Variants in NCALD observed in about 807,000 individuals in gnomAD.
NCALD encodes the protein neurocalcin delta, also known as neurocalcin-delta.
NCALD carries 10 observed loss-of-function variants against 18.6 expected under a neutral mutation model. The observed-to-expected ratio is 0.54, with a 90% CI of 0.33 to 0.91. The LOEUF (loss-of-function observed/expected upper bound fraction) is 0.91. Among genes scored for constraint, NCALD ranks in the 40% least tolerant of loss-of-function variants. The pLI is 0.03. For missense variants in NCALD, 184 were observed against 247.6 expected, an observed-to-expected ratio of 0.74 and a Z score of 1.72; for synonymous variants, 88 against 87.4, an observed-to-expected ratio of 1.01 and a Z score of -0.04.
At chr8:101,826,766 G>A (rs768888342) in intron 4 of NCALD, among the ~76,000 whole-genome samples, 3 of 152,082 alleles carry the variant, frequency 2.0e-5, no homozygotes, top group Non-Finnish European at 4.4e-5. Context: ...GAGGATCCTG[G>A]CTTAACAATT....
At chr8:101,711,120 A>G (rs1260387762) in intron 2 of NCALD, among the ~76,000 whole-genome samples, 4 of 152,194 alleles carry the variant, frequency 2.6e-5, no homozygotes, top group Non-Finnish European at 4.4e-5. Context: ...ATACCCAGGC[A>G]AACAGGATCT....
intron 1 of NCALD, among the ~76,000 whole-genome samples, chr8:102,038,788 T>A (rs530277686): frequency 6.6e-6 from 1 of 151,840 alleles, no homozygotes; most frequent in East Asian, 1.9e-4. Context: ...TCCCCTTGAG[T>A]GTGGGTGGAA....
At chr8:101,966,153 T>C (rs1030325822) in intron 2 of NCALD, among the ~76,000 whole-genome samples, 2 of 149,254 alleles carry the variant, frequency 1.3e-5, no homozygotes, top group African/African-American at 2.5e-5. Context: ...ATCAGTAAAA[T>C]AAAATAGTTT....
intron 2 of NCALD, among the ~76,000 whole-genome samples, chr8:101,927,213 T>C (rs1818367015): frequency 6.6e-6 from 1 of 152,190 alleles, no homozygotes. Context: ...TCATTCATTA[T>C]CAGTCATTCA....
At chr8:101,792,174 T>TG (rs201931795), upstream of NCALD, among the ~76,000 whole-genome samples, 1,042 of 152,256 alleles carry the variant, frequency 6.8e-3, 28 homozygotes, top group Admixed American at 0.05. Context: ...TTCTGTTTCT[T>TG]AAAATAAATA....
At chr8:101,865,329 G>C (rs1815724895) in intron 4 of NCALD, among the ~76,000 whole-genome samples, 1 of 152,166 alleles carries the variant, frequency 6.6e-6, no homozygotes, top group Admixed American at 6.5e-5. Context: ...TATTTTCCCT[G>C]AGTTTGTGTT....
rs185382268 is a variant in NCALD, at chr8:102,092,007, T to C, written c.-210+32230A>G. Among the ~76,000 whole-genome samples the C allele has an allele frequency of 1.4e-4, 22 of 152,326 alleles. 1 individual carries two copies. The highest frequency in any genetic ancestry group is 3.8e-4 in the African/African-American group (16 of 41,560). On this transcript the variant is annotated intron_variant, in intron 1 of 6. Transcript: ENST00000311028. Reference sequence around the variant, plus strand: ...GAATAGGGTCTGGGTAAAATGAGGCTGAGACGTACTGGGCTGCAATCCCAG... The same window carrying C: ...GAATAGGGTCTGGGTAAAATGAGGCCGAGACGTACTGGGCTGCAATCCCAG...
chr8:101,980,660 C>A (rs1464562084), intron 2 of NCALD, among the ~76,000 whole-genome samples: 1 of 152,076 alleles, frequency 6.6e-6, no homozygotes, highest in African/African-American at 2.4e-5. Flanking sequence ...CATTTCTCTA[C>A]AAGGAAAGAA....
chr8:101,977,452 C>T (rs146316434), intron 2 of NCALD, among the ~76,000 whole-genome samples: 1 of 152,032 alleles, frequency 6.6e-6, no homozygotes, highest in African/African-American at 2.4e-5. Flanking sequence ...TTAAGTTCCC[C>T]GAAGAAATTT....
chr8:102,004,964 T>G (rs1431793483), intron 2 of NCALD, among the ~76,000 whole-genome samples: 4 of 152,222 alleles, frequency 2.6e-5, no homozygotes, highest in East Asian at 3.9e-4. Flanking sequence ...CAGGACATAG[T>G]CGTGGGCAAG....
rs140147155 is a variant in NCALD, at chr8:102,000,141, C to T, written c.-157+20096G>A. The stretch of plus-strand genomic sequence containing the variant: ...GGGGAGTTCCCTTTCCTAGGGATGA[C>T]GGATGGCACCTGGAAAATCGGGTCA... On this transcript the variant is annotated intron_variant, in intron 2 of 6. Coordinates refer to the NCALD transcript ENST00000311028. Among the ~76,000 whole-genome samples, 36 of 152,288 alleles carry T rather than the reference C, an allele frequency of 2.4e-4. 1 individual carries two copies. The East Asian group carries it at 5.6e-3, about 24-fold the overall frequency.
intron 2 of NCALD, among the ~76,000 whole-genome samples, chr8:102,005,929 A>T (rs1411114005): frequency 6.6e-6 from 1 of 151,996 alleles, no homozygotes; most frequent in African/African-American, 2.4e-5. Flanking sequence ...TACCTAATGT[A>T]AATGACGAGT....
chr8:101,688,609 ATGGGTC>A lies in NCALD; in HGVS notation c.*694_*699del, dbSNP rs1460185608. 2.2e-6 allele frequency: 1 copy of A among 456,844 alleles called. No homozygotes were observed. Among genetic ancestry groups the A allele is most frequent in the Non-Finnish European group, 4.4e-6 (1 of 227,278 alleles). The allele number at this position is 456,844 out of a possible 1,614,324, so 28.3% of individuals were successfully genotyped here. A position where few individuals can be genotyped will look rare whatever the true frequency, so the allele number is the denominator to read the frequency against. On this transcript the variant is annotated 3_prime_UTR_variant, in exon 4 of 4. Coordinates refer to ENST00000220931, the MANE Select transcript of NCALD (RefSeq NM_032041.3). ...TTATTTTATCACAATAGGCAACAAG[ATGGGTC>A]TGGTTTTGGAATATGTTACCATTTG...
At chr8:102,103,610 G>A (rs1463958307) in intron 1 of NCALD, among the ~76,000 whole-genome samples, 2 of 151,974 alleles carry the variant, frequency 1.3e-5, no homozygotes, top group African/African-American at 4.8e-5. Context: ...CCTGGAGGGT[G>A]GTGGTGCAGT....
chr8:101,815,662 A>G lies in NCALD; in HGVS notation c.-20+71479T>C, dbSNP rs111742303. Among the ~76,000 whole-genome samples, 871 of 152,288 alleles carry G rather than the reference A, an allele frequency of 5.7e-3. 11 individuals are homozygous for G. The highest frequency in any genetic ancestry group is 0.018 in the African/African-American group (765 of 41,566). On this transcript the variant is annotated intron_variant, in intron 4 of 6. Transcript: ENST00000311028. ...ACTGACATCACCAAGTGCTGGTGAGAATGTGGAGCAACAGAAACTCTCATT... is the reference window on the plus strand; with the variant it reads ...ACTGACATCACCAAGTGCTGGTGAGGATGTGGAGCAACAGAAACTCTCATT...
chr8:101,944,774 A>C (rs1385675750), intron 2 of NCALD, among the ~76,000 whole-genome samples: 1 of 152,046 alleles, frequency 6.6e-6, no homozygotes, highest in African/African-American at 2.4e-5. Context: ...GGCCCTGTCC[A>C]CACCTCCATT....
intron 1 of NCALD, among the ~76,000 whole-genome samples, chr8:101,738,475 C>A (rs1810026611): frequency 6.9e-6 from 1 of 144,264 alleles, no homozygotes. Flanking sequence ...ACCTGGGAGG[C>A]AGAGGTTGCA....
At chr8:101,971,665 T>C (rs979660248) in intron 2 of NCALD, among the ~76,000 whole-genome samples, 1 of 152,104 alleles carries the variant, frequency 6.6e-6, no homozygotes, top group African/African-American at 2.4e-5. Context: ...GGTATGTCTT[T>C]ATAGCTGTGT....
intron 4 of NCALD, among the ~76,000 whole-genome samples, chr8:101,860,179 T>C (rs1388777322): frequency 6.6e-6 from 1 of 152,198 alleles, no homozygotes; most frequent in African/African-American, 2.4e-5. Context: ...CAAATATCTT[T>C]TCATACATGC....
Sources: allele counts gnomAD v4.1 joint callset (sites outside exome capture counted in the v4.1 genomes callset), GRCh38; gene constraint gnomAD v4.1.1; transcripts MANE v1.5; gene names NCBI Gene and HGNC (gene_info 2026-07-23, HGNC 2026-07-21).